Variants in TNRC6A observed in about 807,000 individuals in gnomAD.
The protein encoded by TNRC6A is trinucleotide repeat-containing gene 6A protein.
A neutral mutation model predicts 221.2 loss-of-function variants in TNRC6A; 44 were observed. The ratio of observed to expected loss-of-function variants is 0.20; its 90% CI spans 0.16 to 0.26. The LOEUF (loss-of-function observed/expected upper bound fraction) is 0.26, where lower values mean the gene tolerates loss of function less well. Ranked by LOEUF, TNRC6A falls within the 10% of genes least tolerant of loss-of-function variation. TNRC6A has a pLI of 1.00. For synonymous variants in TNRC6A, 847 were observed against 838.5 expected (o/e 1.01, Z -0.18); for missense variants, 2,199 against 2,404.4 (o/e 0.91, Z 1.79).
chr16:24,717,001 A>G (rs1363503128), intron 2 of TNRC6A, among the ~76,000 whole-genome samples: 1 of 147,450 alleles, frequency 6.8e-6, no homozygotes, highest in Non-Finnish European at 1.5e-5. Flanking sequence ...TGAATGAATG[A>G]ATAGATGAAC....
chr16:24,818,232 G>A (rs2058693132), intron 20 of TNRC6A, among the ~76,000 whole-genome samples: 1 of 152,132 alleles, frequency 6.6e-6, no homozygotes, highest in African/African-American at 2.4e-5. Context: ...GAAGTCACTG[G>A]AGCTCAGGGG....
chr16:24,660,582 T>G (rs1313108019), intron 2 of TNRC6A, among the ~76,000 whole-genome samples: 2 of 152,094 alleles, frequency 1.3e-5, no homozygotes, highest in African/African-American at 4.8e-5. Flanking sequence ...CATTTTCTGT[T>G]GTGTTCTCAC....
chr16:24,660,884 G>GGC, intron 2 of TNRC6A, among the ~76,000 whole-genome samples: 1 of 151,566 alleles, frequency 6.6e-6, no homozygotes, highest in African/African-American at 2.4e-5. Flanking sequence ...TGGGACTACA[G>GGC]GTGCCCGCCA....
rs556650589 is a variant in TNRC6A at position 24,735,099 on chromosome 16, T to C, written c.53+4799T>C. The stretch of plus-strand genomic sequence containing the variant: ...GAATTCAAGACCAGCTTGGCCAACA[T>C]GGTGAGACCCCGTCTCTACTAAAAG... On this transcript the variant is annotated intron_variant, in intron 2 of 24. Coordinates refer to ENST00000395799, the MANE Select transcript of TNRC6A (RefSeq NM_014494.4). Among the ~76,000 whole-genome samples the C allele has an allele frequency of 9.6e-4, 146 of 152,292 alleles. 1 individual carries two copies. Among genetic ancestry groups the C allele is most frequent in the Non-Finnish European group, 1.7e-3 (113 of 68,026 alleles).
At chr16:24,703,804 CCGGGCG>C (rs1248347261) in intron 2 of TNRC6A, among the ~76,000 whole-genome samples, 1 of 151,322 alleles carries the variant, frequency 6.6e-6, no homozygotes, top group African/African-American at 2.4e-5. Flanking sequence ...TTTTTTTTGG[CCGGGCG>C]TGGTGGCTCA....
intron 2 of TNRC6A, among the ~76,000 whole-genome samples, chr16:24,667,771 GCTCA>G (rs2055203135): frequency 6.6e-6 from 1 of 152,206 alleles, no homozygotes. Flanking sequence ...GGGCATGGTA[GCTCA>G]CACCTGTAAT....
chr16:24,755,913 A>G (rs1183169577), intron 3 of TNRC6A, among the ~76,000 whole-genome samples: 1 of 152,198 alleles, frequency 6.6e-6, no homozygotes, highest in East Asian at 1.9e-4. Context: ...CATTTGAAGT[A>G]GTGTTGTATA....
At chr16:24,621,275 G>C (rs1900659592) in intron 1 of TNRC6A, among the ~76,000 whole-genome samples, 1 of 151,022 alleles carries the variant, frequency 6.6e-6, no homozygotes, top group African/African-American at 2.4e-5. Flanking sequence ...AATGGTTCAA[G>C]GGTGCAGATG....
chr16:24,635,708 C>T (rs531235358), intron 1 of TNRC6A, among the ~76,000 whole-genome samples: 2 of 152,320 alleles, frequency 1.3e-5, no homozygotes, highest in South Asian at 4.1e-4. Flanking sequence ...CCAGAACTCT[C>T]TTATTATTTC....
chr16:24,785,396 G>C (rs2057944298), intron 5 of TNRC6A, among the ~76,000 whole-genome samples: 1 of 152,104 alleles, frequency 6.6e-6, no homozygotes, highest in African/African-American at 2.4e-5. Flanking sequence ...GTCTTCTATA[G>C]CCAGCAATAA....
At chr16:24,638,665 ACCGCACC>A in intron 1 of TNRC6A, among the ~76,000 whole-genome samples, 1 of 152,084 alleles carries the variant, frequency 6.6e-6, no homozygotes, top group Middle Eastern at 3.4e-3. Context: ...GTGAGCTGAG[ACCGCACC>A]ATTGCACTCC....
Position 24,645,221 on chromosome 16 carries a change from C to G in TNRC6A, n.402+4212C>G, listed in dbSNP as rs1055154721. Among the ~76,000 whole-genome samples the G allele has an allele frequency of 2.6e-5, 4 of 152,156 alleles. No homozygotes were observed. The East Asian group carries it at 7.7e-4, about 29-fold the overall frequency. On this transcript the variant is annotated intron_variant and non_coding_transcript_variant, in intron 2 of 2. Transcript: ENST00000566108. ...ATATCAGTTTTAAAACTACTTCTGT[C>G]CAGGCTGGGCACAGTGGCTCATGCC...
intron 2 of TNRC6A, among the ~76,000 whole-genome samples, chr16:24,666,247 T>A (rs1398207542): frequency 6.6e-6 from 1 of 151,858 alleles, no homozygotes; most frequent in Non-Finnish European, 1.5e-5. Context: ...GGCGGGTGGA[T>A]CACGAGGTCA....
At chr16:24,711,298 G>A (rs1361118014) in intron 2 of TNRC6A, among the ~76,000 whole-genome samples, 2 of 152,000 alleles carry the variant, frequency 1.3e-5, no homozygotes, top group Admixed American at 6.6e-5. Context: ...GTGAGCCACC[G>A]CGCCTGGCCC....
At chr16:24,703,767 G>A (rs2056035724) in intron 2 of TNRC6A, among the ~76,000 whole-genome samples, 1 of 152,138 alleles carries the variant, frequency 6.6e-6, no homozygotes, top group African/African-American at 2.4e-5. Context: ...GAGTTGGTGG[G>A]TAATATGGTA....
intron 2 of TNRC6A, among the ~76,000 whole-genome samples, chr16:24,645,815 T>A (rs1902248205): frequency 1.2e-5 from 1 of 81,396 alleles, no homozygotes; most frequent in Non-Finnish European, 2.2e-5. Context: ...CTGGGAAACA[T>A]GACAAGACCC....
chr16:24,670,789 A>G, intron 2 of TNRC6A: 1 of 173,598 alleles, frequency 5.8e-6, no homozygotes. Flanking sequence ...TGACAGCCAC[A>G]ATTTCTCCCA....
At chr16:24,760,548 C>T (rs1022588704) in intron 4 of TNRC6A, among the ~76,000 whole-genome samples, 2 of 152,112 alleles carry the variant, frequency 1.3e-5, no homozygotes, top group African/African-American at 4.8e-5. Context: ...CTTCTTTTCA[C>T]GCTGTCTCTC....
intron 22 of TNRC6A, among the ~76,000 whole-genome samples, chr16:24,821,257 G>A (rs1384377945): frequency 1.3e-5 from 2 of 152,224 alleles, no homozygotes; most frequent in Non-Finnish European, 2.9e-5. Context: ...TGCCAGCTAA[G>A]AGACTGGCAG....
Sources: gnomAD v4.1 joint callset for allele counts (sites outside exome capture counted in the v4.1 genomes callset) on GRCh38, gnomAD v4.1.1 for gene constraint, MANE v1.5 for transcripts, NCBI Gene and HGNC (gene_info 2026-07-23, HGNC 2026-07-21) for gene names.